MS4A6A: variants seen among roughly 807,000 people sequenced by gnomAD.
The protein encoded by MS4A6A is membrane spanning 4-domains A6A.
In MS4A6A, 19 loss-of-function variants were observed where a neutral mutation model predicts 20.6. The observed-to-expected ratio is 0.92, with a 90% CI of 0.64 to 1.36. The LOEUF (loss-of-function observed/expected upper bound fraction) is 1.36, where lower values mean the gene tolerates loss of function less well. Ranked by LOEUF, MS4A6A falls within the 40% of genes most tolerant of loss-of-function variation. MS4A6A has a pLI of 0.00. For synonymous variants in MS4A6A, 108 were observed against 105.0 expected (o/e 1.03, Z -0.17); for missense variants, 272 against 261.1 (o/e 1.04, Z -0.29).
intron 4 of MS4A6A, among the ~76,000 whole-genome samples, chr11:60,176,536 A>G (rs1302444551): frequency 6.6e-6 from 1 of 152,118 alleles, no homozygotes; most frequent in Non-Finnish European, 1.5e-5. Context: ...TGAGAGCTAT[A>G]GTTACAGGTA....
chr11:60,183,250 C>T (rs533785121), upstream of MS4A6A: 10 of 1,426,036 alleles, frequency 7.0e-6, no homozygotes, highest in South Asian at 1.1e-4. Context: ...AGTCATGGAG[C>T]CTTATGTGTG....
intron 1 of MS4A6A, 152 bp downstream of exon 1, chr11:60,182,826 A>C (rs2083812231): frequency 4.0e-6 from 1 of 246,936 alleles, no homozygotes; most frequent in Non-Finnish European, 7.5e-6. Context: ...ACACAGAGTT[A>C]AAAACAGATA....
intron 5 of MS4A6A, among the ~76,000 whole-genome samples, chr11:60,173,792 T>C (rs563749365): frequency 7.2e-5 from 11 of 152,158 alleles, no homozygotes; most frequent in Non-Finnish European, 1.3e-4. Context: ...TAGTAAACTG[T>C]CAGAGTTGCT....
In MS4A6A at chr11:60,173,219, C is replaced by T. The variant is rs12286820; in HGVS notation, c.550-90G>A. The T allele has an allele frequency of 2.5e-3, 2,784 of 1,103,374 alleles. 53 individuals are homozygous for T. The African/African-American group carries it at 0.038, about 15-fold the overall frequency. The allele number at this position is 1,103,374 out of a possible 1,614,324, so 68.3% of individuals were successfully genotyped here. Reference sequence around the variant, plus strand: ...GAGGTGACCATAGAGATGAAGACCACCTCAACCATTAGAGAATGAAGAAAG... The same window carrying T: ...GAGGTGACCATAGAGATGAAGACCATCTCAACCATTAGAGAATGAAGAAAG... On this transcript the variant is annotated intron_variant, in intron 5 of 5. Transcript: ENST00000528851.
intron 4 of MS4A6A, among the ~76,000 whole-genome samples, chr11:60,175,890 T>TA (rs1417468136): frequency 6.6e-6 from 1 of 152,130 alleles, no homozygotes; most frequent in Non-Finnish European, 1.5e-5. Flanking sequence ...CCAGGACAGA[T>TA]AGCAGGGCTT....
chr11:60,175,297 G>A, intron 5 of MS4A6A, 105 bp downstream of exon 5: 2 of 943,330 alleles, frequency 2.1e-6, no homozygotes. Context: ...TCCCCCAGAT[G>A]CCCAAACCAG....
intron 5 of MS4A6A, among the ~76,000 whole-genome samples, chr11:60,174,285 T>C (rs1856725805): frequency 6.6e-6 from 1 of 152,180 alleles, no homozygotes; most frequent in African/African-American, 2.4e-5. Context: ...ATCTTGTTTT[T>C]ATGATTGCAG....
chr11:60,179,574 A>G (rs1336242684), intron 3 of MS4A6A: 2 of 593,928 alleles, frequency 3.4e-6, no homozygotes, highest in Non-Finnish European at 6.0e-6. Flanking sequence ...GAGAGAAGTC[A>G]CTAGCTTCAT....
chr11:60,174,512 G>T lies in MS4A6A; in HGVS notation c.549+890C>A, dbSNP rs140653296. 6.1e-3 allele frequency among the ~76,000 whole-genome samples: 932 copies of T among 152,080 alleles called. 11 individuals carry two copies. Among genetic ancestry groups the T allele is most frequent in the African/African-American group, 0.021 (869 of 41,482 alleles). On this transcript the variant is annotated intron_variant, in intron 5 of 5. Transcript: ENST00000528851. The stretch of plus-strand genomic sequence containing the variant: ...AGCTAGTTTTTGTACTTTTAGTAGA[G>T]ATGGGGTTTCACCGTCATGGCCAGG...
At position 60,183,027 on chromosome 11, in the gene MS4A6A, A is replaced by T; in HGVS notation, c.-64T>A. 2.1e-6 allele frequency: 3 copies of T among 1,432,178 alleles called. No homozygotes were observed. The highest frequency in any genetic ancestry group is 2.7e-6 in the Non-Finnish European group (3 of 1,101,166). The allele number at this position is 1,432,178 out of a possible 1,614,324, so 88.7% of individuals were successfully genotyped here. On this transcript the variant is annotated 5_prime_UTR_variant, in exon 1 of 6. An upstream open reading frame in the 5' UTR loses its in-frame stop. Transcript: ENST00000528851. ...TCCTCAGAAGCTCCAAAGAGGTTTT[A>T]ACTCTGGTTTCTCAGTCCCATCAAC...
rs543124458 is a variant in MS4A6A at position 60,179,692 on chromosome 11, C to T, written c.282+139G>A. ...ATCAAGCAACCCCTGTCATCCTACC[C>T]GACAGGAGAACAAGATTCACCGTTG... On this transcript the variant is annotated intron_variant, in intron 3 of 5. Coordinates refer to ENST00000528851, the MANE Select transcript of MS4A6A (RefSeq NM_022349.4). 49 of 946,178 alleles carry T rather than the reference C, an allele frequency of 5.2e-5. 1 individual carries two copies. Among genetic ancestry groups the T allele is most frequent in the East Asian group, 4.1e-4 (17 of 41,154 alleles). The allele number at this position is 946,178 out of a possible 1,614,324, so 58.6% of individuals were successfully genotyped here.
intron 4 of MS4A6A, among the ~76,000 whole-genome samples, chr11:60,176,848 T>C (rs1856865933): frequency 6.6e-6 from 1 of 152,270 alleles, no homozygotes; most frequent in Admixed American, 6.5e-5. Context: ...CTGGTAAGTC[T>C]GAGCCCACCC....
Position 60,172,552 on chromosome 11 carries a change from A to C in MS4A6A, c.*449T>G. 1 of 1,129,272 alleles carries C rather than the reference A, an allele frequency of 8.9e-7. No homozygotes were observed. The highest frequency in any genetic ancestry group is 1.1e-6 in the Non-Finnish European group (1 of 919,554). The allele number at this position is 1,129,272 out of a possible 1,614,324, so 70.0% of individuals were successfully genotyped here. On this transcript the variant is annotated 3_prime_UTR_variant, in exon 6 of 6. Transcript: ENST00000528851. Reference sequence around the variant, plus strand: ...TTTAAAAAGGCAAACGAATTTTAAGATCACCAGGGGCAAATGCAGAGCATA... The same window carrying C: ...TTTAAAAAGGCAAACGAATTTTAAGCTCACCAGGGGCAAATGCAGAGCATA...
At chr11:60,179,032 A>C (rs1590677794) in intron 3 of MS4A6A, among the ~76,000 whole-genome samples, 1 of 152,322 alleles carries the variant, frequency 6.6e-6, no homozygotes, top group East Asian at 1.9e-4. Flanking sequence ...GAAAAAGGTC[A>C]TTTGGGGAAA....
intron 3 of MS4A6A, chr11:60,178,822 C>T (rs924583275): frequency 4.6e-6 from 2 of 432,816 alleles, no homozygotes; most frequent in African/African-American, 2.1e-5. Flanking sequence ...AAATTCATCA[C>T]CATACTCTAA....
intron 4 of MS4A6A, 70 bp from the exon 5 acceptor site, chr11:60,175,681 A>T: frequency 6.6e-7 from 1 of 1,510,782 alleles, no homozygotes; most frequent in Non-Finnish European, 9.1e-7. Flanking sequence ...TTTGCCATTA[A>T]ATTGTAAGTT....
chr11:60,174,997 C>T (rs968149495), intron 5 of MS4A6A, among the ~76,000 whole-genome samples: 4 of 152,062 alleles, frequency 2.6e-5, no homozygotes, highest in African/African-American at 9.7e-5. Context: ...CAAATTAACT[C>T]CTTACCATGC....
chr11:60,172,061 T>G, downstream of MS4A6A: 3 of 1,206,478 alleles, frequency 2.5e-6, no homozygotes, highest in Non-Finnish European at 3.5e-6. Context: ...TTTAAAAGCT[T>G]ACATTTAGGA....
intron 5 of MS4A6A, 57 bp from the exon 6 acceptor site, chr11:60,173,186 C>T: frequency 6.7e-7 from 1 of 1,492,578 alleles, no homozygotes; most frequent in Non-Finnish European, 9.3e-7. Flanking sequence ...GCCTTCATGC[C>T]TAGTTGAGAG....
Sources: gnomAD v4.1 joint callset for allele counts (sites outside exome capture counted in the v4.1 genomes callset) on GRCh38, gnomAD v4.1.1 for gene constraint, MANE v1.5 for transcripts, NCBI Gene and HGNC (gene_info 2026-07-23, HGNC 2026-07-21) for gene names.